Variants in STARD13 observed in about 807,000 individuals in gnomAD.
STARD13 encodes stAR-related lipid transfer protein 13.
A neutral mutation model predicts 106.4 loss-of-function variants in STARD13; 62 were observed. The observed-to-expected ratio is 0.58, with a 90% CI of 0.48 to 0.72. The LOEUF is 0.72. STARD13 is among the 30% of genes least tolerant of loss of function. The pLI, the probability that STARD13 is intolerant of heterozygous loss-of-function variation, is 0.00. For missense variants in STARD13, 1,387 were observed against 1,424.0 expected (o/e 0.97, Z 0.42); for synonymous variants, 565 against 553.0 (o/e 1.02, Z -0.31).
At chr13:33,182,684 C>G (rs1314838222) in intron 1 of STARD13, among the ~76,000 whole-genome samples, 1 of 152,258 alleles carries the variant, frequency 6.6e-6, no homozygotes, top group South Asian at 2.1e-4. Flanking sequence ...GGGCTGCATG[C>G]GGCCTGGGGC....
intron 4 of STARD13, among the ~76,000 whole-genome samples, chr13:33,140,837 C>A (rs1418590787): frequency 2.0e-5 from 3 of 151,366 alleles, no homozygotes; most frequent in Non-Finnish European, 4.4e-5. Context: ...CAGCTCACTG[C>A]AACCTCCGCC....
the STARD13 span, among the ~76,000 whole-genome samples, chr13:33,403,094 G>A: frequency 4.6e-5 from 7 of 152,218 alleles, no homozygotes; most frequent in South Asian, 4.1e-4. Flanking sequence ...CACTGGGGCC[G>A]CAGGCACCCA....
chr13:33,642,741 C>G, the STARD13 span, among the ~76,000 whole-genome samples: 4 of 151,944 alleles, frequency 2.6e-5, no homozygotes, highest in South Asian at 8.3e-4. Context: ...CTCTCCTGCT[C>G]TGTCTATCGC....
intron 1 of STARD13, among the ~76,000 whole-genome samples, chr13:33,258,656 A>T (rs927752372): frequency 1.3e-5 from 2 of 152,226 alleles, no homozygotes; most frequent in Non-Finnish European, 2.9e-5. Flanking sequence ...AGTTTTTCTT[A>T]CACAAGGACT....
At chr13:33,339,418 C>A (rs1036325531) in intron 1 of STARD13, among the ~76,000 whole-genome samples, 1 of 152,324 alleles carries the variant, frequency 6.6e-6, no homozygotes, top group East Asian at 1.9e-4. Context: ...ATGCTTCTAG[C>A]ACTGTAGTTG....
the STARD13 span, among the ~76,000 whole-genome samples, chr13:33,675,669 C>A: frequency 1.3e-5 from 2 of 152,236 alleles, no homozygotes; most frequent in South Asian, 4.1e-4. Context: ...GGGGAAGTAA[C>A]AATTAACTTA....
the STARD13 span, among the ~76,000 whole-genome samples, chr13:33,518,361 A>G: frequency 7.9e-5 from 12 of 152,116 alleles, no homozygotes; most frequent in Admixed American, 7.9e-4. Context: ...CCTCAACAGT[A>G]AGGACAGCAA....
chr13:33,214,649 T>A (rs552939729), intron 1 of STARD13, among the ~76,000 whole-genome samples: 2 of 151,414 alleles, frequency 1.3e-5, no homozygotes, highest in Non-Finnish European at 2.9e-5. Context: ...TTCTTTTCCA[T>A]CACCTTACAC....
chr13:33,578,637 A>G, the STARD13 span, among the ~76,000 whole-genome samples: 1 of 152,112 alleles, frequency 6.6e-6, no homozygotes, highest in Admixed American at 6.6e-5. Flanking sequence ...CAATGAAAGC[A>G]AAAATAAGGA....
chr13:33,471,741 A>C, the STARD13 span, among the ~76,000 whole-genome samples: 1 of 152,082 alleles, frequency 6.6e-6, no homozygotes, highest in Non-Finnish European at 1.5e-5. Flanking sequence ...AAGCAAAACA[A>C]AATGGTCTTC....
At chr13:33,148,218 C>A (rs1880808838) in intron 3 of STARD13, among the ~76,000 whole-genome samples, 1 of 152,114 alleles carries the variant, frequency 6.6e-6, no homozygotes, top group African/African-American at 2.4e-5. Flanking sequence ...ACTGATAAAC[C>A]AGACTTCATT....
intron 8 of STARD13, among the ~76,000 whole-genome samples, chr13:33,113,344 A>G (rs530707835): frequency 2.6e-5 from 4 of 152,252 alleles, no homozygotes; most frequent in Non-Finnish European, 2.9e-5. Context: ...AGCCACTCTC[A>G]GGATGCCCAA....
intron 1 of STARD13, among the ~76,000 whole-genome samples, chr13:33,233,277 C>A (rs935530735): frequency 6.6e-6 from 1 of 152,172 alleles, no homozygotes; most frequent in Admixed American, 6.5e-5. Context: ...ATATACCTAC[C>A]CTTTCCTAAT....
At chr13:33,562,691 G>A in the STARD13 span, among the ~76,000 whole-genome samples, 3 of 145,958 alleles carry the variant, frequency 2.1e-5, no homozygotes, top group South Asian at 2.2e-4. Flanking sequence ...GAAAAACGGT[G>A]GTCATTTTGG....
chr13:33,363,675 A>G, the STARD13 span, among the ~76,000 whole-genome samples: 1 of 152,182 alleles, frequency 6.6e-6, no homozygotes, highest in African/African-American at 2.4e-5. Flanking sequence ...CCTGGAGCAC[A>G]CTGACTCTTC....
the STARD13 span, among the ~76,000 whole-genome samples, chr13:33,636,722 T>C: frequency 6.6e-6 from 1 of 152,112 alleles, no homozygotes; most frequent in Admixed American, 6.5e-5. Flanking sequence ...AAAAAATGAG[T>C]CACAACAAGA....
At chr13:33,385,677 T>C in the STARD13 span, among the ~76,000 whole-genome samples, 1 of 151,438 alleles carries the variant, frequency 6.6e-6, no homozygotes, top group Non-Finnish European at 1.5e-5. Flanking sequence ...CTTGCCAACG[T>C]GGTGAAACCC....
intron 1 of STARD13, among the ~76,000 whole-genome samples, chr13:33,259,528 G>C (rs1890532217): frequency 6.6e-6 from 1 of 152,058 alleles, no homozygotes; most frequent in South Asian, 2.1e-4. Context: ...TTTTGACATT[G>C]CCAGACTCCA....
At chr13:33,139,482 A>G (rs574044653) in intron 4 of STARD13, among the ~76,000 whole-genome samples, 2 of 152,296 alleles carry the variant, frequency 1.3e-5, no homozygotes, top group South Asian at 2.1e-4. Context: ...CCAAGGCACA[A>G]TGATTGTGAC....
Sources: gnomAD v4.1 joint callset for allele counts (sites outside exome capture counted in the v4.1 genomes callset) on GRCh38, gnomAD v4.1.1 for gene constraint, MANE v1.5 for transcripts, NCBI Gene and HGNC (gene_info 2026-07-23, HGNC 2026-07-21) for gene names.